Variants in DARS1 observed in about 807,000 individuals in gnomAD.
The protein encoded by DARS1 is aspartyl-tRNA synthetase 1.
In DARS1, 51 loss-of-function variants were observed where a neutral mutation model predicts 68.8. The ratio of observed to expected loss-of-function variants is 0.74; its 90% CI spans 0.59 to 0.94. DARS1 has a LOEUF of 0.94. DARS1 is among the 40% of genes least tolerant of loss of function. DARS1 has a pLI of 0.00. For synonymous variants in DARS1, 203 were observed against 190.4 expected (o/e 1.07, Z -0.55); for missense variants, 607 against 597.3 (o/e 1.02, Z -0.17).
At chr2:135,920,696 T>C in intron 9 of DARS1, 96 bp from the exon 10 acceptor site, 1 of 1,407,916 alleles carries the variant, frequency 7.1e-7, no homozygotes, top group Non-Finnish European at 9.3e-7. Context: ...TGGATTCCAG[T>C]GGTATTATTT....
chr2:135,977,807 T>C (rs1479113863), intron 3 of DARS1, among the ~76,000 whole-genome samples: 1 of 152,148 alleles, frequency 6.6e-6, no homozygotes, highest in East Asian at 1.9e-4. Flanking sequence ...ATAATGGGCA[T>C]GTATTAATTC....
intron 4 of DARS1, among the ~76,000 whole-genome samples, chr2:135,959,323 G>A (rs1682046878): frequency 7.1e-6 from 1 of 141,126 alleles, no homozygotes; most frequent in Non-Finnish European, 1.5e-5. Flanking sequence ...GAACCGGGTA[G>A]GAGGTTGCGA....
chr2:135,929,516 T>TA (rs1015157763), intron 7 of DARS1, among the ~76,000 whole-genome samples: 4 of 152,152 alleles, frequency 2.6e-5, no homozygotes, highest in Admixed American at 6.5e-5. Flanking sequence ...GCTATTAAAA[T>TA]AAAAAATGTT....
chr2:135,979,438 T>C lies in DARS1; in HGVS notation c.125-72A>G, dbSNP rs1682574039. 14 of 785,310 alleles carry C rather than the reference T, an allele frequency of 1.8e-5. No individual in the cohort carries two copies. The East Asian group carries it at 3.4e-4, about 19-fold the overall frequency. The allele number at this position is 785,310 out of a possible 1,614,324, so 48.6% of individuals were successfully genotyped here. ...TTCAGAATTTACAAAGAGATCATAA[T>C]TATTTTTGACAGCTAGCATAAGTAC... On this transcript the variant is annotated intron_variant, in intron 2 of 15. Coordinates refer to ENST00000264161, the MANE Select transcript of DARS1 (RefSeq NM_001349.4).
intron 4 of DARS1, among the ~76,000 whole-genome samples, chr2:135,956,065 A>G (rs2104829461): frequency 6.6e-6 from 1 of 152,208 alleles, no homozygotes. Context: ...TATATTTCTC[A>G]CGCAAGTAGA....
chr2:135,974,188 T>G (rs1682447431), intron 3 of DARS1, among the ~76,000 whole-genome samples: 1 of 152,234 alleles, frequency 6.6e-6, no homozygotes, highest in South Asian at 2.1e-4. Flanking sequence ...ATTACTGTGT[T>G]TGACTTTAAT....
At chr2:135,985,045 T>A (rs1490829376) in intron 1 of DARS1, 6 of 310,524 alleles carry the variant, frequency 1.9e-5, no homozygotes, top group Non-Finnish European at 3.7e-5. Context: ...CGATTACTAG[T>A]GCTTATTAAA....
intron 4 of DARS1, among the ~76,000 whole-genome samples, chr2:135,947,182 G>C (rs1400701298): frequency 2.0e-5 from 3 of 152,072 alleles, no homozygotes; most frequent in African/African-American, 7.2e-5. Flanking sequence ...GGGGTGGGTG[G>C]ATGACCTGAG....
Position 135,907,290 on chromosome 2 carries a change from C to A in DARS1, c.*26G>T, listed in dbSNP as rs1433827090. On this transcript the variant is annotated 3_prime_UTR_variant, in exon 16 of 16. Transcript: ENST00000264161. ...GCAGGGTCTCGCTCTGTCATCCACA[C>A]TGGAGTTAAGTGGCAAAGTGTGAAT... is the stretch of plus-strand genomic sequence containing the variant. 2 of 1,280,958 alleles carry A rather than the reference C, an allele frequency of 1.6e-6. No homozygotes were observed. The highest frequency in any genetic ancestry group is 1.1e-6 in the Non-Finnish European group (1 of 917,010). The allele number at this position is 1,280,958 out of a possible 1,614,324, so 79.3% of individuals were successfully genotyped here. A position where few individuals can be genotyped will look rare whatever the true frequency, so the allele number is the denominator to read the frequency against.
chr2:135,966,289 T>C (rs1274102214), intron 3 of DARS1, among the ~76,000 whole-genome samples: 1 of 152,112 alleles, frequency 6.6e-6, no homozygotes, highest in Non-Finnish European at 1.5e-5. Context: ...TTTCTACTAC[T>C]GGAATTTTTA....
chr2:135,964,439 C>T (rs1335509626), intron 3 of DARS1, among the ~76,000 whole-genome samples: 7 of 152,106 alleles, frequency 4.6e-5, no homozygotes, highest in Non-Finnish European at 5.9e-5. Context: ...AAATTAAACA[C>T]AAGCAGTAAG....
chr2:135,960,525 T>TA (rs1429745420), intron 4 of DARS1, among the ~76,000 whole-genome samples: 1 of 152,142 alleles, frequency 6.6e-6, no homozygotes, highest in Non-Finnish European at 1.5e-5. Context: ...AGCAAACATT[T>TA]AAAAAAATCA....
intron 3 of DARS1, among the ~76,000 whole-genome samples, chr2:135,966,561 CAG>C (rs1558797608): frequency 6.6e-6 from 1 of 152,174 alleles, no homozygotes; most frequent in African/African-American, 2.4e-5. Flanking sequence ...TTTGTTGAGA[CAG>C]AGTCTTGCTC....
At chr2:135,970,025 T>C (rs1434770255) in intron 3 of DARS1, among the ~76,000 whole-genome samples, 1 of 152,090 alleles carries the variant, frequency 6.6e-6, no homozygotes, top group Non-Finnish European at 1.5e-5. Context: ...AACAGCACAG[T>C]CTTCTTGTGC....
At chr2:135,970,146 G>C (rs896900276) in intron 3 of DARS1, among the ~76,000 whole-genome samples, 5 of 151,620 alleles carry the variant, frequency 3.3e-5, no homozygotes, top group African/African-American at 9.7e-5. Flanking sequence ...GGAGGGTGAG[G>C]CAGGAGGATT....
intron 5 of DARS1, among the ~76,000 whole-genome samples, chr2:135,940,748 T>C (rs1681577326): frequency 6.6e-6 from 1 of 152,204 alleles, no homozygotes; most frequent in Non-Finnish European, 1.5e-5. Flanking sequence ...CATGATTGTA[T>C]ATTTAGAAAA....
intron 4 of DARS1, among the ~76,000 whole-genome samples, chr2:135,959,914 G>A (rs1316448823): frequency 6.6e-6 from 1 of 152,140 alleles, no homozygotes; most frequent in Non-Finnish European, 1.5e-5. Flanking sequence ...TTGTTGATTT[G>A]AGGTTGACTT....
chr2:135,911,272 A>G, intron 14 of DARS1, 62 bp from the exon 15 acceptor site: 1 of 917,920 alleles, frequency 1.1e-6, no homozygotes, highest in Non-Finnish European at 1.8e-6. Flanking sequence ...AGGTCACAAA[A>G]GCAATTACTG....
chr2:135,908,585 C>T (rs924671953), intron 15 of DARS1, among the ~76,000 whole-genome samples: 7 of 152,248 alleles, frequency 4.6e-5, no homozygotes, highest in East Asian at 3.9e-4. Flanking sequence ...TGTTGTTTCT[C>T]GACTTTTTAA....
Sources: allele counts gnomAD v4.1 joint callset (sites outside exome capture counted in the v4.1 genomes callset), GRCh38; gene constraint gnomAD v4.1.1; transcripts MANE v1.5; gene names NCBI Gene and HGNC (gene_info 2026-07-23, HGNC 2026-07-21).